APBB2: variants seen among roughly 807,000 people sequenced by gnomAD.
APBB2 encodes the protein amyloid beta precursor protein binding family B member 2, also known as Fe65-like 1.
In APBB2, 38 loss-of-function variants were observed where a neutral mutation model predicts 82.5. The ratio of observed to expected loss-of-function variants is 0.46; its 90% CI spans 0.36 to 0.60. The LOEUF (loss-of-function observed/expected upper bound fraction) is 0.60, where lower values mean the gene tolerates loss of function less well. Ranked by LOEUF, APBB2 falls within the 20% of genes least tolerant of loss-of-function variation. The pLI, the probability that APBB2 is intolerant of heterozygous loss-of-function variation, is 0.00. For missense variants in APBB2, 772 were observed against 972.3 expected (o/e 0.79, Z 2.74); for synonymous variants, 341 against 368.2 (o/e 0.93, Z 0.85).
At chr4:40,909,913 G>C (rs1470282595) in intron 10 of APBB2, among the ~76,000 whole-genome samples, 4 of 152,140 alleles carry the variant, frequency 2.6e-5, no homozygotes, top group Admixed American at 1.3e-4. Context: ...ACACTACAAA[G>C]TAGGTGCTGT....
chr4:40,933,966 C>A (rs536649685), intron 10 of APBB2, among the ~76,000 whole-genome samples: 1 of 152,308 alleles, frequency 6.6e-6, no homozygotes, highest in East Asian at 1.9e-4. Flanking sequence ...AAAATGGACA[C>A]AAGTTTGCCC....
chr4:41,036,703 T>G (rs1719327377), intron 4 of APBB2, among the ~76,000 whole-genome samples: 1 of 152,090 alleles, frequency 6.6e-6, no homozygotes, highest in Non-Finnish European at 1.5e-5. Context: ...AAATTTAAGG[T>G]GCAATTTGAG....
chr4:41,140,746 G>C (rs1758891665), intron 2 of APBB2, among the ~76,000 whole-genome samples: 1 of 152,214 alleles, frequency 6.6e-6, no homozygotes, highest in Non-Finnish European at 1.5e-5. Context: ...ATCAGTGGCA[G>C]CATTAGATTC....
At chr4:41,012,090 G>A (rs6836378) in intron 6 of APBB2, among the ~76,000 whole-genome samples, 6,991 of 151,980 alleles carry the variant, frequency 0.046, 341 homozygotes, top group African/African-American at 0.13. Flanking sequence ...TGTGGGCTCA[G>A]GTGATCCTCT....
intron 10 of APBB2, among the ~76,000 whole-genome samples, chr4:40,930,458 C>CGT (rs1553865793): frequency 1.6e-4 from 22 of 133,690 alleles, no homozygotes; most frequent in African/African-American, 6.7e-4. Flanking sequence ...TGCGCGCGCG[C>CGT]GCGCGCGCGT....
Position 41,014,392 on chromosome 4 carries a change from G to T in APBB2, c.26C>A (p.Ser9Ter). 6.2e-7 allele frequency: 1 copy of T among 1,613,636 alleles called. No individual in the cohort carries two copies. Among genetic ancestry groups the T allele is most frequent in the South Asian group, 1.1e-5 (1 of 91,036 alleles). MSEVLPAD[S>*]GVDTLAVFMA... ...AAACACTGCCAAGGTGTCAACACCT[G>T]AGTCAGCTGGGGAAAAAAAAAGTCA... Residue 9 changes from serine to a stop codon, truncating the protein, a stop_gained, in exon 6 of 18, where the codon TCA (serine) becomes TAA (stop). Coordinates refer to ENST00000508593, the MANE Select transcript of APBB2 (RefSeq NM_004307.2). LOFTEE classifies it high-confidence loss of function.
chr4:41,078,493 A>G (rs913565291), intron 3 of APBB2, among the ~76,000 whole-genome samples: 3 of 152,252 alleles, frequency 2.0e-5, no homozygotes, highest in East Asian at 1.9e-4. Flanking sequence ...AAGGAAACAG[A>G]TAAGTCTTAA....
At chr4:41,175,311 A>G (rs1769446365) in intron 1 of APBB2, among the ~76,000 whole-genome samples, 1 of 152,218 alleles carries the variant, frequency 6.6e-6, no homozygotes, top group Non-Finnish European at 1.5e-5. Context: ...GTGAATTGCC[A>G]AGACATGTAC....
chr4:41,141,598 T>C (rs900391495), intron 2 of APBB2, among the ~76,000 whole-genome samples: 1 of 152,176 alleles, frequency 6.6e-6, no homozygotes, highest in Admixed American at 6.5e-5. Context: ...CCTCCAAAGA[T>C]GGTTGTGACC....
intron 3 of APBB2, among the ~76,000 whole-genome samples, chr4:41,099,021 AT>A (rs1031241129): frequency 6.1e-4 from 92 of 150,364 alleles, no homozygotes; most frequent in Middle Eastern, 6.8e-3. Flanking sequence ...ACAAATTTCT[AT>A]TTTTTTTTTA....
At chr4:40,894,363 A>T (rs1335644462) in intron 10 of APBB2, among the ~76,000 whole-genome samples, 2 of 152,148 alleles carry the variant, frequency 1.3e-5, no homozygotes, top group South Asian at 2.1e-4. Context: ...TAAGCTCCTG[A>T]TACTTCTTAT....
rs137899051 is a variant in APBB2, at chr4:41,022,702, G to C, written c.20-8304C>G. On this transcript the variant is annotated intron_variant, in intron 5 of 17. Coordinates refer to ENST00000508593, the MANE Select transcript of APBB2 (RefSeq NM_004307.2). ...AACCAGCACAGAGGCCTAGCACAGAGTAGGCACTCATAAATGTTTGGAGAA... is the reference window on the plus strand; with the variant it reads ...AACCAGCACAGAGGCCTAGCACAGACTAGGCACTCATAAATGTTTGGAGAA... 1.6e-3 allele frequency among the ~76,000 whole-genome samples: 246 copies of C among 152,346 alleles called. 1 individual carries two copies. Among genetic ancestry groups the C allele is most frequent in the African/African-American group, 5.7e-3 (236 of 41,580 alleles).
chr4:41,076,032 C>T (rs992667741), intron 3 of APBB2, among the ~76,000 whole-genome samples: 7 of 152,138 alleles, frequency 4.6e-5, no homozygotes, highest in Non-Finnish European at 7.3e-5. Flanking sequence ...AAAACCACCC[C>T]TAAATGACAG....
intron 6 of APBB2, among the ~76,000 whole-genome samples, chr4:40,967,078 T>C (rs1018325257): frequency 2.2e-4 from 33 of 152,264 alleles, no homozygotes; most frequent in African/African-American, 7.2e-4. Context: ...CTCAGGCAGA[T>C]GATGGGATCA....
At chr4:40,822,885 G>C (rs922671612) in intron 16 of APBB2, among the ~76,000 whole-genome samples, 1 of 152,140 alleles carries the variant, frequency 6.6e-6, no homozygotes, top group Admixed American at 6.6e-5. Flanking sequence ...GAGCATGGAG[G>C]GTGCAGTGCT....
intron 1 of APBB2, among the ~76,000 whole-genome samples, chr4:41,197,793 A>T: frequency 6.6e-6 from 1 of 152,290 alleles, no homozygotes; most frequent in South Asian, 2.1e-4. Flanking sequence ...TTCATATGCT[A>T]TTTCACTAAC....
At chr4:40,934,333 T>C in intron 10 of APBB2, 123 bp downstream of exon 10, 7 of 931,682 alleles carry the variant, frequency 7.5e-6, no homozygotes, top group East Asian at 2.4e-5. Flanking sequence ...AAAGAGAAAA[T>C]TGAGGGATAA....
intron 2 of APBB2, among the ~76,000 whole-genome samples, chr4:41,115,732 C>T (rs971648312): frequency 2.0e-5 from 3 of 152,182 alleles, no homozygotes; most frequent in Non-Finnish European, 4.4e-5. Context: ...CATCACTGGT[C>T]ATTACAGAAA....
intron 12 of APBB2, among the ~76,000 whole-genome samples, chr4:40,834,482 G>A (rs1287990444): frequency 6.6e-6 from 1 of 152,216 alleles, no homozygotes; most frequent in African/African-American, 2.4e-5. Flanking sequence ...TCACTTGCCT[G>A]TGTGAAAAGC....
Sources: gnomAD v4.1 joint callset for allele counts (sites outside exome capture counted in the v4.1 genomes callset) on GRCh38, gnomAD v4.1.1 for gene constraint, MANE v1.5 for transcripts, NCBI Gene and HGNC (gene_info 2026-07-23, HGNC 2026-07-21) for gene names.